The following DMBT1 variants were observed in gnomAD, a reference collection of about 807,000 sequenced individuals.
The protein encoded by DMBT1 is deleted in malignant brain tumors 1.
In DMBT1, 198 loss-of-function variants were observed where a neutral mutation model predicts 252.9. The ratio of observed to expected loss-of-function variants is 0.78; its 90% CI spans 0.70 to 0.88. DMBT1 has a LOEUF of 0.88. Among genes scored for constraint, DMBT1 ranks in the 40% least tolerant of loss-of-function variants. The pLI is 0.00. For synonymous variants in DMBT1, 990 were observed against 942.7 expected, an observed-to-expected ratio of 1.05 and a Z score of -0.92; for missense variants, 2,432 against 2,404.7, an observed-to-expected ratio of 1.01 and a Z score of -0.24.
At chr10:122,640,550 T>G in intron 55 of DMBT1, 101 bp downstream of exon 55, 35 of 1,182,874 alleles carry the variant, frequency 3.0e-5, no homozygotes, top group Non-Finnish European at 3.5e-5. Flanking sequence ...TGAACTGCAG[T>G]TCCCAGTACT....
rs765542236 is a variant in DMBT1, at chr10:122,592,550, T to A, written c.2455T>A (p.Ser819Thr). Residue 819 changes from serine to threonine, a missense_variant, in exon 20 of 56, where the codon TCC (serine) becomes ACC (threonine). Ser to Thr is a moderately conservative substitution (Grantham distance 58). Around this residue, in one of 3 missense-constraint regions of DMBT1, gnomAD observed 1,264 missense variants for 1,082.2 expected, o/e 1.17. Transcript: ENST00000338354. ...LWSCPHNGWL[S>T]HNCGHHEDAG... ...GAGCTGCCCCCACAATGGCTGGCTC[T>A]CCCACAACTGTGGCCATCATGAAGA... 22 of 1,588,216 alleles carry A rather than the reference T, an allele frequency of 1.4e-5. 3 individuals are homozygous for A. Among genetic ancestry groups the A allele is most frequent in the Admixed American group, 5.0e-5 (3 of 59,532 alleles).
chr10:122,635,687 C>T (rs1188753821), intron 52 of DMBT1, among the ~76,000 whole-genome samples: 1 of 152,150 alleles, frequency 6.6e-6, no homozygotes. Flanking sequence ...AGTAGCCTCC[C>T]TCACCCTACA....
intron 52 of DMBT1, among the ~76,000 whole-genome samples, chr10:122,634,381 TTTCTTTCTTTCTTTCTTTC>T (rs1231120869): frequency 1.5e-5 from 2 of 129,870 alleles, no homozygotes; most frequent in Non-Finnish European, 3.4e-5. Context: ...TCTTTCTTTC[TTTCTTTCTTTCTTTCTTTC>T]TTTTCTTTCT....
rs749762395 is a variant in DMBT1 at position 122,579,855 on chromosome 10, C to G, written c.957C>G (p.Leu319=). 2 of 1,613,842 alleles carry G rather than the reference C, an allele frequency of 1.2e-6. No homozygotes were observed. The highest frequency in any genetic ancestry group is 1.7e-6 in the Non-Finnish European group (2 of 1,179,756). The change falls in exon 10 of 56, where the codon CTC becomes CTG. Residue 319 remains leucine (L), a synonymous_variant. Transcript: ENST00000338354. ...GGAGCTGCCCCCACAATGGCTGGCT[C>G]ACCCACAACTGTGGCCATAGTGAAG... ...YLWSCPHNGW[L]THNCGHSEDA...
chr10:122,629,670 T>A (rs573204485), intron 46 of DMBT1, among the ~76,000 whole-genome samples, 170 bp from the exon 47 acceptor site: 4 of 152,298 alleles, frequency 2.6e-5, no homozygotes, highest in African/African-American at 9.6e-5. Context: ...AAGCTTCTAA[T>A]GTTGGGCCAC....
intron 14 of DMBT1, among the ~76,000 whole-genome samples, chr10:122,585,053 C>A (rs2097777698): frequency 6.7e-6 from 1 of 148,670 alleles, no homozygotes; most frequent in Admixed American, 6.7e-5. Flanking sequence ...GGACATCCCA[C>A]ACTTCAGAGG....
At chr10:122,579,929 C>G (rs1243843641) in intron 10 of DMBT1, 28 bp downstream of exon 10, 1 of 1,613,728 alleles carries the variant, frequency 6.2e-7, no homozygotes, top group Admixed American at 1.7e-5. Context: ...TGGGCTCACT[C>G]TCTTGGGGTG....
At position 122,621,345 on chromosome 10, in the gene DMBT1, G is replaced by T. The variant is rs772251223; in HGVS notation, c.5573G>T (p.Cys1858Phe). ...CPHKGWLTHN[C>F]GHHEDAGVIC... The stretch of plus-strand genomic sequence containing the variant: ...CACAAAGGCTGGCTCACCCACAACT[G>T]TGGCCATCACGAAGACGCTGGTGTC... Residue 1858 changes from cysteine to phenylalanine, a missense_variant, in exon 44 of 56, where the codon TGT (cysteine) becomes TTT (phenylalanine). By Grantham distance (205) the Cys-to-Phe change is radical (BLOSUM62 -2). Coordinates refer to ENST00000338354, the MANE Select transcript of DMBT1 (RefSeq NM_001377530.1). 1 of 1,613,868 alleles carries T rather than the reference G, an allele frequency of 6.2e-7. No individual in the cohort carries two copies. The highest frequency in any genetic ancestry group is 1.1e-5 in the South Asian group (1 of 91,080).
intron 44 of DMBT1, among the ~76,000 whole-genome samples, chr10:122,622,450 A>C (rs1427119308): frequency 6.6e-6 from 1 of 152,258 alleles, no homozygotes; most frequent in Non-Finnish European, 1.5e-5. Context: ...CTTCAGGTAC[A>C]GCTGGTTCCA....
chr10:122,579,558 G>T lies in DMBT1; in HGVS notation c.680-20G>T. ...ACCTCATGATAGGGATGGATGAAGG[G>T]TTCTTGTGTTCCCCTGTAGGATCTG... On this transcript the variant is annotated intron_variant, in intron 9 of 55. Transcript: ENST00000338354. 2 of 1,612,366 alleles carry T rather than the reference G, an allele frequency of 1.2e-6. No individual in the cohort carries two copies. The highest frequency in any genetic ancestry group is 8.5e-7 in the Non-Finnish European group (1 of 1,179,710).
Position 122,589,309 on chromosome 10 carries a change from T to G in DMBT1, c.2107+42T>G. 1.3e-6 allele frequency: 2 copies of G among 1,586,804 alleles called. 1 individual carries two copies. Among genetic ancestry groups the G allele is most frequent in the Non-Finnish European group, 1.7e-6 (2 of 1,164,960 alleles). ...TTTGGTTTCCTCTCTTGGGGTAGAT[T>G]TTGCCCAGGAAGAGAGGTCTTATGT... On this transcript the variant is annotated intron_variant, in intron 17 of 55. Coordinates refer to ENST00000338354, the MANE Select transcript of DMBT1 (RefSeq NM_001377530.1).
chr10:122,617,800 G>T lies in DMBT1; in HGVS notation c.4892-217G>T, dbSNP rs991819365. 1.3e-5 allele frequency among the ~76,000 whole-genome samples: 2 copies of T among 151,552 alleles called. 1 individual carries two copies. Among genetic ancestry groups the T allele is most frequent in the African/African-American group, 4.9e-5 (2 of 41,092 alleles). On this transcript the variant is annotated intron_variant, in intron 40 of 55. Coordinates refer to ENST00000338354, the MANE Select transcript of DMBT1 (RefSeq NM_001377530.1). ...TGTCACTTCCAGTGGGGTCACAGGT[G>T]CTTCCCCAAAATCTGAGCCTCCATA...
intron 7 of DMBT1, 92 bp downstream of exon 7, chr10:122,576,814 C>T (rs2097716498): frequency 2.0e-6 from 3 of 1,515,438 alleles, no homozygotes; most frequent in African/African-American, 2.7e-5. Context: ...ATTGCTTGAG[C>T]TCAGGCGTTC....
In DMBT1 at chr10:122,597,966, A is replaced by C. The variant is rs751686642; in HGVS notation, c.2918-8A>C. 1 of 1,613,908 alleles carries C rather than the reference A, an allele frequency of 6.2e-7. No homozygotes were observed. The highest frequency in any genetic ancestry group is 2.2e-5 in the East Asian group (1 of 44,872). ...TAATTCTAGCCTTTGTCTCTGTTGCAATTACAGACACATTGCCGACCATCA... is the reference window on the plus strand; with the variant it reads ...TAATTCTAGCCTTTGTCTCTGTTGCCATTACAGACACATTGCCGACCATCA... On this transcript the variant is annotated splice_region_variant and splice_polypyrimidine_tract_variant and intron_variant, in intron 24 of 55. Transcript: ENST00000338354.
chr10:122,621,504 G>A, intron 44 of DMBT1, 124 bp downstream of exon 44: 1 of 1,486,342 alleles, frequency 6.7e-7, no homozygotes, highest in Non-Finnish European at 9.1e-7. Flanking sequence ...TTGAAGACTT[G>A]TTAGCTCTCT....
At chr10:122,643,090 G>C in intron 55 of DMBT1, 32 bp from the exon 56 acceptor site, 1 of 1,602,804 alleles carries the variant, frequency 6.2e-7, no homozygotes, top group Middle Eastern at 1.7e-4. Flanking sequence ...TCGGGCCTTG[G>C]TGAGAGCTAA....
At chr10:122,598,564 C>T (rs971591527) in intron 25 of DMBT1, among the ~76,000 whole-genome samples, 1 of 152,154 alleles carries the variant, frequency 6.6e-6, no homozygotes, top group Admixed American at 6.5e-5. Context: ...GATGCTTCCC[C>T]AAAACTTGAG....
rs1482057908 is a variant in DMBT1, at chr10:122,579,826, C to T, written c.928C>T (p.Leu310=). The T allele has an allele frequency of 1.9e-6, 3 of 1,613,526 alleles. No individual in the cohort carries two copies. Among genetic ancestry groups the T allele is most frequent in the Non-Finnish European group, 2.5e-6 (3 of 1,179,652 alleles). The change falls in exon 10 of 56, where the codon CTG becomes TTG. Residue 310 remains leucine (L), a synonymous_variant. Coordinates refer to ENST00000338354, the MANE Select transcript of DMBT1 (RefSeq NM_001377530.1). ...GCGCTGCTCAGGACATGAGTCCTAC[C>T]TGTGGAGCTGCCCCCACAATGGCTG... is the stretch of plus-strand genomic sequence containing the variant. ...DVRCSGHESY[L]WSCPHNGWLT...
At chr10:122,642,673 A>T (rs1047305315) in intron 55 of DMBT1, among the ~76,000 whole-genome samples, 7 of 152,120 alleles carry the variant, frequency 4.6e-5, no homozygotes, top group Non-Finnish European at 2.9e-5. Context: ...CTGTACTCAG[A>T]GTGCAGCCGA....
Sources: gnomAD v4.1 joint callset for allele counts (sites outside exome capture counted in the v4.1 genomes callset) on GRCh38, gnomAD v4.1.1 for gene constraint, gnomAD v4.1.1 regional missense constraint, MANE v1.5 for transcripts, NCBI Gene and HGNC (gene_info 2026-07-23, HGNC 2026-07-21) for gene names.